RECQL4: variants seen among roughly 807,000 people sequenced by gnomAD.
RECQL4 encodes RecQ like helicase 4.
Under a neutral mutation model 128.6 loss-of-function variants are expected in RECQL4, and 158 were observed. The ratio of observed to expected loss-of-function variants is 1.23; its 90% CI spans 1.08 to 1.40. RECQL4 has a LOEUF of 1.40. Among genes scored for constraint, RECQL4 ranks in the 40% most tolerant of loss-of-function variants. The pLI is 0.00. For synonymous variants in RECQL4, 996 were observed against 678.9 expected, an observed-to-expected ratio of 1.47 and a Z score of -7.26; for missense variants, 2,293 against 1,649.8, an observed-to-expected ratio of 1.39 and a Z score of -6.75.
Position 144,511,680 on chromosome 8 carries a change from C to CCGATGCCGTGGAAGATG in RECQL4, c.3486_3502dup (p.Gly1168AlafsTer29), listed in dbSNP as rs751332709. On this transcript the variant is annotated frameshift_variant and splice_region_variant. Coordinates refer to ENST00000617875, the MANE Select transcript of RECQL4 (RefSeq NM_004260.4). LOFTEE classifies it high-confidence loss of function. ...AGCGGGTGGGGCCTCCCAGGCCTCA[C>CCGATGCCGTGGAAGATG]CGATGCCGTGGAAGATGCGGGCCAC... 7 of 1,612,386 alleles carry CCGATGCCGTGGAAGATG rather than the reference C, an allele frequency of 4.3e-6. No homozygotes were observed. The highest frequency in any genetic ancestry group is 5.1e-6 in the Non-Finnish European group (6 of 1,179,716).
chr8:144,517,394 G>A lies in RECQL4; in HGVS notation c.213+20C>T, dbSNP rs778712818. 3.9e-6 allele frequency: 6 copies of A among 1,551,296 alleles called. No individual in the cohort carries two copies. In the South Asian group the frequency reaches 5.9e-5, roughly 15 times the overall value. Reference sequence around the variant, plus strand: ...CAAACAGGGAAGTGGGAGGAGGCTGGGGCGGCGGGGCCTGGGTACCTCTTC... The same window carrying A: ...CAAACAGGGAAGTGGGAGGAGGCTGAGGCGGCGGGGCCTGGGTACCTCTTC... On this transcript the variant is annotated intron_variant, in intron 3 of 20. Coordinates refer to ENST00000617875, the MANE Select transcript of RECQL4 (RefSeq NM_004260.4).
At chr8:144,514,603 A>G (rs550823563) in intron 9 of RECQL4, 78 bp from the exon 10 acceptor site, 4 of 1,424,776 alleles carry the variant, frequency 2.8e-6, no homozygotes, top group African/African-American at 2.8e-5. Flanking sequence ...AGCTGCTGCC[A>G]TGTCCATCCT....
At chr8:144,516,900 G>T in intron 4 of RECQL4, 136 bp from the exon 5 acceptor site, 1 of 1,383,144 alleles carries the variant, frequency 7.2e-7, no homozygotes, top group Non-Finnish European at 9.7e-7. Flanking sequence ...AGGGAGTCAA[G>T]GGCGAAGGCC....
rs773365191 is a variant in RECQL4, at chr8:144,515,475, G to A, written c.1259-18C>T. The A allele has an allele frequency of 1.8e-5, 29 of 1,612,344 alleles. No homozygotes were observed. The highest frequency in any genetic ancestry group is 2.2e-5 in the East Asian group (1 of 44,900). On this transcript the variant is annotated intron_variant, in intron 6 of 20. Coordinates refer to ENST00000617875, the MANE Select transcript of RECQL4 (RefSeq NM_004260.4). ...CTCACTTGCTGGGGCAGGCAGGAGAGGGTAGAATGGGAGCTCCAGGTCGGG... is the reference window on the plus strand; with the variant it reads ...CTCACTTGCTGGGGCAGGCAGGAGAAGGTAGAATGGGAGCTCCAGGTCGGG...
At position 144,515,237 on chromosome 8, in the gene RECQL4, G is replaced by T; in HGVS notation, c.1396C>A (p.Pro466Thr). The T allele has an allele frequency of 6.3e-7, 1 of 1,590,570 alleles. No homozygotes were observed. The highest frequency in any genetic ancestry group is 8.6e-7 in the Non-Finnish European group (1 of 1,169,274). ...LGPSGQLAETPAEVFQALEQL... is the reference protein window; with the variant it reads ...LGPSGQLAETTAEVFQALEQL... ...TCCAGGGCCTGGAACACCTCAGCCG[G>T]CGTCTCTGCAGACACAGATGTTGAT... Residue 466 changes from proline to threonine, a missense_variant, in exon 8 of 21, where the codon CCG becomes ACG. Coordinates refer to ENST00000617875, the MANE Select transcript of RECQL4 (RefSeq NM_004260.4).
chr8:144,516,004 C>G lies in RECQL4; in HGVS notation c.1115G>C (p.Arg372Thr), dbSNP rs200097701. Residue 372 changes from arginine (R) to threonine (T), a missense_variant, in exon 5 of 21, where the codon AGG becomes ACG. Physicochemically the swap from Arg to Thr is moderately conservative, Grantham distance 71. Coordinates refer to ENST00000617875, the MANE Select transcript of RECQL4 (RefSeq NM_004260.4). Reference protein sequence around the residue: ...HYVRGRALRSRLLRKQAWKQK... With the variant: ...HYVRGRALRSTLLRKQAWKQK... ...CTGTCTTACCTGCTTGCGGAGGAGC[C>G]TGCTACGGAGTGCCCGGCCCCGCAC... The G allele has an allele frequency of 1.7e-4, 267 of 1,609,542 alleles. 1 individual carries two copies. In the East Asian group the frequency reaches 4.8e-3, roughly 29 times the overall value.
At chr8:144,516,804 C>T (rs1446908310) in intron 4 of RECQL4, 40 bp from the exon 5 acceptor site, 7 of 1,505,274 alleles carry the variant, frequency 4.7e-6, no homozygotes, top group Admixed American at 2.3e-5. Context: ...GAACTCAGGC[C>T]CCTGAGCTAC....
rs1827799282 is a variant in RECQL4, at chr8:144,514,119, G to A, written c.1879-12C>T. On this transcript the variant is annotated splice_polypyrimidine_tract_variant and intron_variant, in intron 11 of 20. Transcript: ENST00000617875. ...CGCTCCCGAAGCACCTGCACCAGAG[G>A]CGGCAGTGGTGTGAGGCCGCCCAGC... The A allele has an allele frequency of 1.2e-6, 2 of 1,608,800 alleles. No homozygotes were observed. Among genetic ancestry groups the A allele is most frequent in the Non-Finnish European group, 1.7e-6 (2 of 1,178,442 alleles).
In RECQL4 at chr8:144,515,036, C is replaced by T; in HGVS notation, c.1520G>A (p.Gly507Asp). 1.2e-6 allele frequency: 2 copies of T among 1,609,672 alleles called. No individual in the cohort carries two copies. The highest frequency in any genetic ancestry group is 8.5e-7 in the Non-Finnish European group (1 of 1,178,726). Residue 507 changes from glycine (G) to aspartate (D), a missense_variant, in exon 9 of 21, where the codon GGC (glycine) becomes GAC (aspartate). Transcript: ENST00000617875. ...TGGGAGCTGGTAGCACAGGGACTTGCCGGCACCTGTAGGCAGCACCAGCAG... is the reference window on the plus strand; with the variant it reads ...TGGGAGCTGGTAGCACAGGGACTTGTCGGCACCTGTAGGCAGCACCAGCAG... Reference protein sequence around the residue: ...STLLVLPTGAGKSLCYQLPAL... With the variant: ...STLLVLPTGADKSLCYQLPAL...
At chr8:144,517,291 TCACTTTGCCCAGTCCCC>T (rs1181063477) in intron 3 of RECQL4, 101 bp from the exon 4 acceptor site, 1 of 1,501,620 alleles carries the variant, frequency 6.7e-7, no homozygotes, top group East Asian at 2.5e-5. Context: ...CGGCCCTTCT[TCACTTTGCCCAGTCCCC>T]CTCCCAAGTT....
In RECQL4 at chr8:144,516,901, G is replaced by C. The variant is rs113668830; in HGVS notation, c.355-137C>G. On this transcript the variant is annotated intron_variant, in intron 4 of 20. Coordinates refer to ENST00000617875, the MANE Select transcript of RECQL4 (RefSeq NM_004260.4). ...AGGCTGGACTAGAAAGGGAGTCAAG[G>C]GCGAAGGCCCCGAGAAGCTCCCTGA... 6.5e-6 allele frequency: 9 copies of C among 1,385,096 alleles called. No individual in the cohort carries two copies. The East Asian group carries it at 1.9e-4, about 29-fold the overall frequency. 85.8% of individuals were successfully genotyped at this position (1,385,096 alleles called of 1,614,324 possible).
Position 144,516,224 on chromosome 8 carries a change from G to A in RECQL4, c.895C>T (p.Pro299Ser), listed in dbSNP as rs1319378486. 8.1e-6 allele frequency: 13 copies of A among 1,613,188 alleles called. No individual in the cohort carries two copies. Among genetic ancestry groups the A allele is most frequent in the Non-Finnish European group, 1.0e-5 (12 of 1,179,870 alleles). ...AGAVAVEEDP[P>S]GEPVQAQPPQ... ...GGCTGTGCCTGTACAGGTTCCCCTG[G>A]AGGGTCTTCCTCAACTGCTACAGCC... The change falls in exon 5 of 21, where the codon CCA becomes TCA. Residue 299 changes from proline to serine, a missense_variant. Transcript: ENST00000617875.
chr8:144,511,831 G>A, intron 19 of RECQL4, 42 bp from the exon 20 acceptor site: 5 of 1,610,728 alleles, frequency 3.1e-6, no homozygotes, highest in Non-Finnish European at 3.4e-6. Flanking sequence ...AGCTCCCGTG[G>A]CACTGCATCC....
chr8:144,511,865 AGG>A (rs1336364111), intron 19 of RECQL4, 44 bp downstream of exon 19: 1 of 1,610,372 alleles, frequency 6.2e-7, no homozygotes, highest in Admixed American at 1.7e-5. Context: ...CATGCAGCCC[AGG>A]GAACCTGCAA....
In RECQL4 at chr8:144,515,839, C is replaced by T. The variant is rs1828086872; in HGVS notation, c.1183G>A (p.Ala395Thr). 3 of 1,612,736 alleles carry T rather than the reference C, an allele frequency of 1.9e-6. No individual in the cohort carries two copies. Among genetic ancestry groups the T allele is most frequent in the East Asian group, 4.5e-5 (2 of 44,884 alleles). ...CAAGACTCCTTGGTTGTGACTGTGG[C>T]ACCACCACCCCCAAAACACTCCCCT... ...KKGECFGGGG[A>T]TVTTKESCFL... The change falls in exon 6 of 21, where the codon GCC becomes ACC. Residue 395 changes from alanine (A) to threonine (T), a missense_variant. Transcript: ENST00000617875.
Position 144,514,133 on chromosome 8 carries a change from AGGCCGCCCAGCCCATCCCGGCCCT to A in RECQL4, c.1878+32_1879-27del, listed in dbSNP as rs750811636. The A allele has an allele frequency of 3.1e-5, 50 of 1,609,994 alleles. No individual in the cohort carries two copies. Among genetic ancestry groups the A allele is most frequent in the Non-Finnish European group, 3.6e-5 (43 of 1,178,978 alleles). On this transcript the variant is annotated intron_variant, in intron 11 of 20. Transcript: ENST00000617875. ...CTGCACCAGAGGCGGCAGTGGTGTG[AGGCCGCCCAGCCCATCCCGGCCCT>A]GGCCGCCCACCCCAGTTCACATATG... is the stretch of plus-strand genomic sequence containing the variant.
Position 144,517,523 on chromosome 8 carries a change from G to A in RECQL4, c.119-15C>T, listed in dbSNP as rs764923707. 12 of 1,575,774 alleles carry A rather than the reference G, an allele frequency of 7.6e-6. No individual in the cohort carries two copies. The highest frequency in any genetic ancestry group is 2.3e-5 in the East Asian group (1 of 43,260). On this transcript the variant is annotated splice_polypyrimidine_tract_variant and intron_variant, in intron 2 of 20. Transcript: ENST00000617875. ...CCGGTAGAGCGCTGCGTGGGCGAGC[G>A]GGAGGCGGGGTCAGGGTGGGGCCTG...
rs376829470 is a variant in RECQL4 at position 144,515,470 on chromosome 8, G to A, written c.1259-13C>T. The stretch of plus-strand genomic sequence containing the variant: ...TCTTCCTCACTTGCTGGGGCAGGCA[G>A]GAGAGGGTAGAATGGGAGCTCCAGG... On this transcript the variant is annotated splice_polypyrimidine_tract_variant and intron_variant, in intron 6 of 20. Transcript: ENST00000617875. The A allele has an allele frequency of 1.2e-5, 20 of 1,612,430 alleles. No homozygotes were observed. The Admixed American group carries it at 2.3e-4, about 19-fold the overall frequency.
In RECQL4 at chr8:144,512,125, C is replaced by A. The variant is rs774366701; in HGVS notation, c.3236+19G>T. On this transcript the variant is annotated intron_variant, in intron 18 of 20. Coordinates refer to ENST00000617875, the MANE Select transcript of RECQL4 (RefSeq NM_004260.4). ...GCGGGAGGGTGGATGGTCCCAGGCC[C>A]CGCCCGCCTCCTCCCAACCTGTGAA... is the stretch of plus-strand genomic sequence containing the variant. The A allele has an allele frequency of 6.2e-7, 1 of 1,601,508 alleles. No individual in the cohort carries two copies. Among genetic ancestry groups the A allele is most frequent in the Non-Finnish European group, 8.5e-7 (1 of 1,174,186 alleles).
Sources: allele counts gnomAD v4.1 joint callset, GRCh38; gene constraint gnomAD v4.1.1; transcripts MANE v1.5; gene names NCBI Gene and HGNC (gene_info 2026-07-23, HGNC 2026-07-21).